The following NPHS1 variants were observed in gnomAD, a reference collection of about 807,000 sequenced individuals.
NPHS1 encodes the protein NPHS1 adhesion molecule, nephrin.
NPHS1 carries 107 observed loss-of-function variants against 139.7 expected under a neutral mutation model. The ratio of observed to expected loss-of-function variants is 0.77; its 90% CI spans 0.66 to 0.90. The LOEUF (loss-of-function observed/expected upper bound fraction) is 0.90, where lower values mean the gene tolerates loss of function less well. Ranked by LOEUF, NPHS1 falls within the 40% of genes least tolerant of loss-of-function variation. The pLI is 0.00. For synonymous variants in NPHS1, 707 were observed against 706.6 expected (o/e 1.00, Z -0.01); for missense variants, 1,580 against 1,654.2 (o/e 0.96, Z 0.78).
chr19:35,846,202 C>T lies in NPHS1; in HGVS notation c.1441-8G>A. On this transcript the variant is annotated splice_region_variant and splice_polypyrimidine_tract_variant and intron_variant, in intron 11 of 28. Coordinates refer to ENST00000378910, the MANE Select transcript of NPHS1 (RefSeq NM_004646.4). ...GGTCACGGTGCGCGAGTCCTACGGG[C>T]CGGGAGTGACTGGGGTTCGCAGGCA... The T allele has an allele frequency of 6.3e-7, 1 of 1,577,558 alleles. No individual in the cohort carries two copies. The highest frequency in any genetic ancestry group is 8.6e-7 in the Non-Finnish European group (1 of 1,165,224).
rs1461169690 is a variant in NPHS1, at chr19:35,839,496, C to T, written c.2927G>A (p.Arg976Lys). 1.2e-6 allele frequency: 2 copies of T among 1,614,026 alleles called. No homozygotes were observed. Among genetic ancestry groups the T allele is most frequent in the Non-Finnish European group, 8.5e-7 (1 of 1,179,904 alleles). ...DGGLPQRFCI[R>K]YEALGTPGFH... The stretch of plus-strand genomic sequence containing the variant: ...CCCTCCTGCCTCGACAAGGACCCAC[C>T]TGATGCAGAACCTCTGTGGCAGGCC... Residue 976 changes from arginine (R) to lysine (K), a missense_variant and splice_region_variant, in exon 21 of 29, where the codon AGG becomes AAG. Transcript: ENST00000378910.
intron 19 of NPHS1, 112 bp downstream of exon 19, chr19:35,842,012 A>G: frequency 7.1e-7 from 1 of 1,413,694 alleles, no homozygotes; most frequent in East Asian, 2.4e-5. Flanking sequence ...CCATTCACTC[A>G]CTCATTCCTC....
rs759470040 is a variant in NPHS1 at position 35,848,237 on chromosome 19, C to T, written c.1315+16G>A. On this transcript the variant is annotated intron_variant, in intron 10 of 28. Transcript: ENST00000378910. ...CTGAGGCTTGGGGGCATTGCTGGGC[C>T]AGGGCAGGGGCTCACATTTTACGTT... is the stretch of plus-strand genomic sequence containing the variant. 1.2e-6 allele frequency: 2 copies of T among 1,614,110 alleles called. No homozygotes were observed. The highest frequency in any genetic ancestry group is 1.7e-6 in the Non-Finnish European group (2 of 1,179,998).
In NPHS1 at chr19:35,845,310, A is replaced by C; in HGVS notation, c.1930+58T>G. 1 of 1,554,974 alleles carries C rather than the reference A, an allele frequency of 6.4e-7. No homozygotes were observed. The highest frequency in any genetic ancestry group is 8.9e-7 in the Non-Finnish European group (1 of 1,126,188). ...AAAGAAGGAAAAAAAGGTAAGACCC[A>C]AGGAGTAGTTTAGGGTCAAGAAGGC... On this transcript the variant is annotated intron_variant, in intron 14 of 28. Transcript: ENST00000378910. The surrounding 1 kb of genome is among the most constrained non-coding windows in gnomAD (Gnocchi z 5.5).
chr19:35,852,374 A>G lies in NPHS1; in HGVS notation c.-537T>C, dbSNP rs1311431575. Reference sequence around the variant, plus strand: ...ACCCCTCACTCCTGCTCCTTGTCTCACTACTCACAGCCTTTCAAGAAGGAC... The same window carrying G: ...ACCCCTCACTCCTGCTCCTTGTCTCGCTACTCACAGCCTTTCAAGAAGGAC... On this transcript the variant is annotated 5_prime_UTR_variant, in exon 1 of 29. Coordinates refer to ENST00000378910, the MANE Select transcript of NPHS1 (RefSeq NM_004646.4). Among the ~76,000 whole-genome samples, 3 of 149,658 alleles carry G rather than the reference A, an allele frequency of 2.0e-5. No homozygotes were observed. The highest frequency in any genetic ancestry group is 4.4e-5 in the Non-Finnish European group (3 of 67,470).
intron 11 of NPHS1, among the ~76,000 whole-genome samples, chr19:35,847,477 C>T (rs956755676): frequency 6.6e-6 from 1 of 151,110 alleles, no homozygotes; most frequent in Admixed American, 6.6e-5. Context: ...GCCTCAGCCT[C>T]TCCAGTAGCT....
chr19:35,843,636 C>G, intron 16 of NPHS1, 43 bp from the exon 17 acceptor site: 1 of 1,610,630 alleles, frequency 6.2e-7, no homozygotes. Context: ...TGGGCCCAGA[C>G]AGGTCTGGGT....
chr19:35,841,241 C>T (rs544878092), intron 20 of NPHS1, among the ~76,000 whole-genome samples: 3 of 151,956 alleles, frequency 2.0e-5, no homozygotes, highest in South Asian at 2.1e-4. Context: ...GGTGTGGTGG[C>T]GGGCGCCTGT....
chr19:35,851,941 CTTTTT>C lies in NPHS1; in HGVS notation c.-109_-105del, dbSNP rs977779487. 11 of 941,402 alleles carry C rather than the reference CTTTTT, an allele frequency of 1.2e-5. No homozygotes were observed. Among genetic ancestry groups the C allele is most frequent in the African/African-American group, 4.9e-5 (3 of 60,826 alleles). The allele number at this position is 941,402 out of a possible 1,614,324, so 58.3% of individuals were successfully genotyped here. Reference sequence around the variant, plus strand: ...CTGTGTGTCTCTGCCACCTGCTTTTCTTTTTTATCTCTTTCCGTTACTCTCCTCCC... The same window carrying C: ...CTGTGTGTCTCTGCCACCTGCTTTTCTATCTCTTTCCGTTACTCTCCTCCC... On this transcript the variant is annotated 5_prime_UTR_variant, in exon 1 of 29. Transcript: ENST00000378910.
chr19:35,848,657 T>C lies in NPHS1; in HGVS notation c.1150A>G (p.Met384Val), dbSNP rs369852739. 8.1e-6 allele frequency: 13 copies of C among 1,613,830 alleles called. No individual in the cohort carries two copies. Among genetic ancestry groups the C allele is most frequent in the African/African-American group, 1.3e-5 (1 of 74,990 alleles). ...CTCACATCCATGACTGTCTCCTCCA[T>C]GGGCAGCAGCTGCCGCCAGCCCAGC... ...WWLGWRQLLPMEETVMDGLHG... is the reference protein window; with the variant it reads ...WWLGWRQLLPVEETVMDGLHG... Residue 384 changes from methionine (M) to valine (V), a missense_variant, in exon 9 of 29, where the codon ATG (methionine) becomes GTG (valine). Coordinates refer to ENST00000378910, the MANE Select transcript of NPHS1 (RefSeq NM_004646.4).
At position 35,831,078 on chromosome 19, in the gene NPHS1, C is replaced by T. The variant is rs138092189; in HGVS notation, c.3456G>A (p.Thr1152=). Residue 1152 remains threonine, a synonymous_variant, in exon 27 of 29, where the codon ACG becomes ACA. Coordinates refer to ENST00000378910, the MANE Select transcript of NPHS1 (RefSeq NM_004646.4). Reference sequence around the variant, plus strand: ...CTCGGGAATAAGACACCTCCTCCTGCGTCGGGGGCAGCTGGGGGCTGAAGT... The same window carrying T: ...CTCGGGAATAAGACACCTCCTCCTGTGTCGGGGGCAGCTGGGGGCTGAAGT... ...LRDFSPQLPP[T]QEEVSYSRGF... The T allele has an allele frequency of 5.3e-5, 86 of 1,614,144 alleles. No individual in the cohort carries two copies. The African/African-American group carries it at 1.0e-3, about 19-fold the overall frequency.
rs1973239148 is a variant in NPHS1, at chr19:35,851,052, G to A, written c.435C>T (p.Gly145=). The A allele has an allele frequency of 8.1e-6, 13 of 1,614,080 alleles. No homozygotes were observed. The highest frequency in any genetic ancestry group is 1.1e-5 in the Non-Finnish European group (13 of 1,180,028). ...PKLLLLTPEA[G]TMVTWVAGQE... ...GCCCAGCTACCCAGGTGACCATGGT[G>A]CCTGCCTCTGGGGTCAGCAGGAGCA... Residue 145 remains glycine (G), a synonymous_variant, in exon 4 of 29, where the codon GGC becomes GGT. Transcript: ENST00000378910.
In NPHS1 at chr19:35,845,877, C is replaced by T. The variant is rs1418252072; in HGVS notation, c.1628-79G>A. 6.4e-7 allele frequency: 1 copy of T among 1,567,262 alleles called. No homozygotes were observed. The highest frequency in any genetic ancestry group is 8.7e-7 in the Non-Finnish European group (1 of 1,154,848). On this transcript the variant is annotated intron_variant, in intron 12 of 28. Transcript: ENST00000378910. The surrounding 1 kb of genome is among the most constrained non-coding windows in gnomAD (Gnocchi z 5.5). ...GCGTCCACCCCGCCTGCACCCCAGG[C>T]TCCGCCCAGTCTCGGGTCCCCCACC... is the stretch of plus-strand genomic sequence containing the variant.
intron 17 of NPHS1, 119 bp downstream of exon 17, chr19:35,843,353 G>A: frequency 8.0e-7 from 1 of 1,256,934 alleles, no homozygotes; most frequent in Non-Finnish European, 1.2e-6. Context: ...GCATGCCCTG[G>A]CGAGTATATA....
chr19:35,842,261 G>T lies in NPHS1; in HGVS notation c.2526C>A (p.His842Gln), dbSNP rs934821806. ...CAGCCACCTTAGTTAGGGGAGTGGG[G>T]TGCTCCACCTGGGGGGCAACTGGGA... Reference protein sequence around the residue: ...LVVRFAPQVEHPTPLTKVAAA... With the variant: ...LVVRFAPQVEQPTPLTKVAAA... Residue 842 changes from histidine (H) to glutamine (Q), a missense_variant, in exon 19 of 29, where the codon CAC (histidine) becomes CAA (glutamine). Coordinates refer to ENST00000378910, the MANE Select transcript of NPHS1 (RefSeq NM_004646.4). 1 of 1,613,066 alleles carries T rather than the reference G, an allele frequency of 6.2e-7. No individual in the cohort carries two copies. Among genetic ancestry groups the T allele is most frequent in the Non-Finnish European group, 8.5e-7 (1 of 1,179,972 alleles).
chr19:35,841,530 C>G (rs878925405), intron 20 of NPHS1, among the ~76,000 whole-genome samples, 185 bp downstream of exon 20: 3 of 152,024 alleles, frequency 2.0e-5, no homozygotes, highest in Admixed American at 2.0e-4. Flanking sequence ...TTTTCTTTTG[C>G]CTTTGTTGTG....
chr19:35,835,030 C>T (rs1599837843), intron 23 of NPHS1, among the ~76,000 whole-genome samples: 2 of 150,884 alleles, frequency 1.3e-5, no homozygotes, highest in African/African-American at 4.9e-5. Flanking sequence ...AAACCCCGTC[C>T]CTACTAAAAA....
intron 23 of NPHS1, 65 bp downstream of exon 23, chr19:35,835,640 G>A (rs1972946730): frequency 7.2e-7 from 1 of 1,386,340 alleles, no homozygotes; most frequent in African/African-American, 1.4e-5. Flanking sequence ...AGAGGAGGTA[G>A]GGTCAGAGAC....
Position 35,844,430 on chromosome 19 carries a change from G to A in NPHS1, c.1960C>T (p.Leu654=). The A allele has an allele frequency of 1.9e-6, 3 of 1,596,274 alleles. No individual in the cohort carries two copies. Among genetic ancestry groups the A allele is most frequent in the Non-Finnish European group, 2.6e-6 (3 of 1,172,328 alleles). ...CCCTGCTCCACCGCGGTCACCACCA[G>A]CACCTGCTCCCCCAGGAACTCTGGA... ...YRPEFLGEQV[L]VVTAVEQGEA... Residue 654 remains leucine (L), a synonymous_variant, in exon 15 of 29, where the codon CTG becomes TTG. Transcript: ENST00000378910.
Sources: allele counts gnomAD v4.1 joint callset (sites outside exome capture counted in the v4.1 genomes callset), GRCh38; gene constraint gnomAD v4.1.1; non-coding constraint Gnocchi (gnomAD v3.1); transcripts MANE v1.5; gene names NCBI Gene and HGNC (gene_info 2026-07-23, HGNC 2026-07-21).